The following MACROD2 variants were observed in gnomAD, a reference collection of about 807,000 sequenced individuals.
MACROD2 encodes the protein mono-ADP ribosylhydrolase 2.
In MACROD2, 36 loss-of-function variants were observed where a neutral mutation model predicts 70.4. That is an observed-to-expected ratio of 0.51 (90% CI 0.39 to 0.68). The LOEUF (loss-of-function observed/expected upper bound fraction) is 0.68, where lower values mean the gene tolerates loss of function less well. MACROD2 is among the 30% of genes least tolerant of loss of function. The probability of loss-of-function intolerance (pLI) is 0.00; values close to 1 mark genes in which losing one functional copy is unlikely to be tolerated. For missense variants in MACROD2, 496 were observed against 538.4 expected, an observed-to-expected ratio of 0.92 and a Z score of 0.78; for synonymous variants, 172 against 178.8, an observed-to-expected ratio of 0.96 and a Z score of 0.30.
chr20:15,848,221 CCCA>C (rs1401046611), intron 8 of MACROD2, among the ~76,000 whole-genome samples: 1 of 152,152 alleles, frequency 6.6e-6, no homozygotes, highest in African/African-American at 2.4e-5. Flanking sequence ...CTCTCTCTCT[CCCA>C]TGCAAATGTA....
chr20:16,044,114 G>A (rs1473074602), intron 16 of MACROD2, among the ~76,000 whole-genome samples: 1 of 152,102 alleles, frequency 6.6e-6, no homozygotes, highest in Non-Finnish European at 1.5e-5. Flanking sequence ...GCCAGCATCT[G>A]CTTCTGATGA....
chr20:16,031,175 A>AATC (rs1042651013), intron 15 of MACROD2, among the ~76,000 whole-genome samples: 9 of 152,144 alleles, frequency 5.9e-5, no homozygotes, highest in African/African-American at 2.2e-4. Context: ...GAAAAAAAAC[A>AATC]ATCAAATAGG....
chr20:14,703,883 C>T (rs2071236749), intron 5 of MACROD2, among the ~76,000 whole-genome samples: 1 of 151,982 alleles, frequency 6.6e-6, no homozygotes, highest in South Asian at 2.1e-4. Context: ...CACACTACCA[C>T]ACCTGGCTAA....
intron 3 of MACROD2, among the ~76,000 whole-genome samples, chr20:14,260,531 G>C (rs2082093002): frequency 6.6e-6 from 1 of 152,062 alleles, no homozygotes; most frequent in Non-Finnish European, 1.5e-5. Flanking sequence ...ACGGACTCCT[G>C]GCCTCAAGGG....
intron 3 of MACROD2, among the ~76,000 whole-genome samples, chr20:14,268,291 A>G (rs1237233161): frequency 1.3e-5 from 2 of 152,140 alleles, no homozygotes; most frequent in Non-Finnish European, 2.9e-5. Flanking sequence ...CTCTATTCAT[A>G]TTCAAATTTT....
At chr20:14,816,759 T>A (rs1473234152) in intron 5 of MACROD2, among the ~76,000 whole-genome samples, 1 of 152,012 alleles carries the variant, frequency 6.6e-6, no homozygotes, top group Non-Finnish European at 1.5e-5. Context: ...CAGGTATAGT[T>A]GGACAAATTG....
intron 6 of MACROD2, among the ~76,000 whole-genome samples, chr20:15,301,362 G>T (rs907446699): frequency 7.2e-5 from 11 of 152,140 alleles, no homozygotes; most frequent in African/African-American, 2.7e-4. Flanking sequence ...GCCAGCACGG[G>T]GCCTGGTTGA....
intron 5 of MACROD2, among the ~76,000 whole-genome samples, chr20:14,702,538 C>CAT (rs1208979885): frequency 6.9e-6 from 1 of 144,444 alleles, no homozygotes; most frequent in Non-Finnish European, 1.5e-5. Flanking sequence ...CTAAACATTA[C>CAT]ATATGTGTGT....
At chr20:14,994,087 A>C (rs2074929030) in intron 5 of MACROD2, among the ~76,000 whole-genome samples, 1 of 152,158 alleles carries the variant, frequency 6.6e-6, no homozygotes. Context: ...AGAGAATACA[A>C]ATGCCTTTAC....
intron 4 of MACROD2, among the ~76,000 whole-genome samples, chr20:14,540,135 A>G (rs1174894495): frequency 5.9e-5 from 9 of 152,352 alleles, no homozygotes; most frequent in Admixed American, 4.6e-4. Context: ...ATCATTTTAT[A>G]AAGAGTCCCA....
chr20:15,235,003 A>G (rs1455995185), intron 6 of MACROD2, among the ~76,000 whole-genome samples: 1 of 152,150 alleles, frequency 6.6e-6, no homozygotes, highest in Non-Finnish European at 1.5e-5. Context: ...AAACTAATCC[A>G]TGTCATACAA....
intron 4 of MACROD2, among the ~76,000 whole-genome samples, chr20:14,578,354 G>C (rs912987427): frequency 1.1e-4 from 16 of 152,092 alleles, no homozygotes; most frequent in Non-Finnish European, 2.2e-4. Context: ...TATACTTTCA[G>C]TGAAGAGAAA....
intron 2 of MACROD2, among the ~76,000 whole-genome samples, chr20:14,065,422 C>T (rs2053743950): frequency 6.6e-6 from 1 of 152,172 alleles, no homozygotes; most frequent in Admixed American, 6.5e-5. Flanking sequence ...GTTGAGTCAT[C>T]TCTGGCTTAC....
At chr20:15,023,651 CAGG>C (rs1198468791) in intron 5 of MACROD2, among the ~76,000 whole-genome samples, 25 of 152,228 alleles carry the variant, frequency 1.6e-4, no homozygotes, top group African/African-American at 5.1e-4. Context: ...AGGGTGTGTG[CAGG>C]AGAATTCCCC....
intron 3 of MACROD2, among the ~76,000 whole-genome samples, chr20:14,233,421 G>A (rs1055021839): frequency 2.6e-5 from 4 of 151,984 alleles, no homozygotes; most frequent in Non-Finnish European, 4.4e-5. Flanking sequence ...GGCCGGGCGC[G>A]GTGGCTCACG....
At chr20:15,105,435 C>T in intron 5 of MACROD2, among the ~76,000 whole-genome samples, 1 of 152,128 alleles carries the variant, frequency 6.6e-6, no homozygotes, top group East Asian at 1.9e-4. Context: ...TTCCTACAAC[C>T]TCTTGAAGAG....
chr20:15,789,997 G>T (rs976438517), intron 8 of MACROD2, among the ~76,000 whole-genome samples: 8 of 151,906 alleles, frequency 5.3e-5, no homozygotes, highest in Non-Finnish European at 8.8e-5. Context: ...GGTTTTCAAA[G>T]GGAGAATTCT....
At chr20:14,182,796 ACT>A (rs796399022) in intron 3 of MACROD2, among the ~76,000 whole-genome samples, 3 of 151,688 alleles carry the variant, frequency 2.0e-5, no homozygotes, top group African/African-American at 7.3e-5. Flanking sequence ...CAATAGAAAG[ACT>A]CTGGACTCAG....
At chr20:14,808,064 C>T (rs1161404134) in intron 5 of MACROD2, among the ~76,000 whole-genome samples, 1 of 151,996 alleles carries the variant, frequency 6.6e-6, no homozygotes, top group South Asian at 2.1e-4. Flanking sequence ...GCAAGACAGG[C>T]CAACATTCAA....
Sources: allele counts gnomAD v4.1 joint callset (sites outside exome capture counted in the v4.1 genomes callset), GRCh38; gene constraint gnomAD v4.1.1; transcripts MANE v1.5; gene names NCBI Gene and HGNC (gene_info 2026-07-23, HGNC 2026-07-21).